Variants in HMGCLL1 observed in about 807,000 individuals in gnomAD.
The protein encoded by HMGCLL1 is 3-hydroxymethyl-3-methylglutaryl-CoA lyase, cytoplasmic.
In HMGCLL1, 36 loss-of-function variants were observed where a neutral mutation model predicts 39.1. The ratio of observed to expected loss-of-function variants is 0.92; its 90% CI spans 0.71 to 1.22. The LOEUF is 1.22. Among genes scored for constraint, HMGCLL1 ranks in the 50% most tolerant of loss-of-function variants. The probability of loss-of-function intolerance (pLI) is 0.00; values close to 1 mark genes in which losing one functional copy is unlikely to be tolerated. For synonymous variants in HMGCLL1, 149 were observed against 144.0 expected, an observed-to-expected ratio of 1.03 and a Z score of -0.25; for missense variants, 451 against 416.5, an observed-to-expected ratio of 1.08 and a Z score of -0.72.
chr6:55,468,508 G>A (rs1418097369), intron 7 of HMGCLL1, among the ~76,000 whole-genome samples: 1 of 151,966 alleles, frequency 6.6e-6, no homozygotes, highest in Admixed American at 6.6e-5. Context: ...TAGAATGATG[G>A]AGTGACTGTT....
At chr6:55,508,681 A>G (rs960665144) in intron 5 of HMGCLL1, among the ~76,000 whole-genome samples, 11 of 151,786 alleles carry the variant, frequency 7.2e-5, no homozygotes, top group African/African-American at 9.7e-5. Context: ...CTTGTTTCAC[A>G]TTGACATATA....
chr6:55,439,535 C>T lies in HMGCLL1; in HGVS notation c.820G>A (p.Ala274Thr), dbSNP rs758293303. ...GGGCAGCCACCTAATCCGGATACTG[C>T]GGAGTCCACCACATTAATTCCCATC... ...LQMGINVVDS[A>T]VSGLGGCPYA... The change falls in exon 8 of 9, where the codon GCA becomes ACA. Residue 274 changes from alanine to threonine, a missense_variant. By Grantham distance (58) the Ala-to-Thr change is moderately conservative (BLOSUM62 0). Coordinates refer to ENST00000274901, the MANE Select transcript of HMGCLL1 (RefSeq NM_001042406.2). The T allele has an allele frequency of 6.8e-6, 11 of 1,612,636 alleles. No homozygotes were observed. The highest frequency in any genetic ancestry group is 2.2e-5 in the East Asian group (1 of 44,862).
intron 1 of HMGCLL1, among the ~76,000 whole-genome samples, chr6:55,549,421 G>A (rs1770193068): frequency 7.2e-6 from 1 of 137,942 alleles, no homozygotes; most frequent in Non-Finnish European, 1.6e-5. Context: ...TGTGTATTTG[G>A]TAAAGCTTAA....
At chr6:55,606,120 A>G in the HMGCLL1 span, among the ~76,000 whole-genome samples, 1 of 152,108 alleles carries the variant, frequency 6.6e-6, no homozygotes, top group Non-Finnish European at 1.5e-5. Flanking sequence ...TTGTTCTGTA[A>G]ATCCTCTACT....
intron 1 of HMGCLL1, among the ~76,000 whole-genome samples, chr6:55,556,631 T>C (rs1436524442): frequency 2.6e-5 from 4 of 152,102 alleles, no homozygotes; most frequent in African/African-American, 9.7e-5. Flanking sequence ...GATGATATGA[T>C]CTGAGGTACA....
intron 3 of HMGCLL1, among the ~76,000 whole-genome samples, chr6:55,527,760 C>A (rs939617670): frequency 6.6e-6 from 1 of 151,936 alleles, no homozygotes; most frequent in African/African-American, 2.4e-5. Flanking sequence ...AAAAGTTTCA[C>A]TGATAAAAAC....
At chr6:55,631,350 G>A in the HMGCLL1 span, among the ~76,000 whole-genome samples, 1 of 151,912 alleles carries the variant, frequency 6.6e-6, no homozygotes, top group African/African-American at 2.4e-5. Context: ...TGAAGGGTGG[G>A]TGGTAGGCAA....
At chr6:55,613,989 CTAA>C in the HMGCLL1 span, among the ~76,000 whole-genome samples, 1 of 151,944 alleles carries the variant, frequency 6.6e-6, no homozygotes, top group Non-Finnish European at 1.5e-5. Flanking sequence ...ATGAATAAAA[CTAA>C]TATTATATTC....
At chr6:55,547,989 G>C (rs1199598053) in intron 1 of HMGCLL1, among the ~76,000 whole-genome samples, 1 of 152,010 alleles carries the variant, frequency 6.6e-6, no homozygotes, top group Non-Finnish European at 1.5e-5. Context: ...AAAGCTGATA[G>C]TGAAACTGTT....
At chr6:55,451,998 G>T (rs9475296) in intron 7 of HMGCLL1, among the ~76,000 whole-genome samples, 2,196 of 152,156 alleles carry the variant, frequency 0.014, 47 homozygotes, top group African/African-American at 0.048. Context: ...AACATAATAA[G>T]TTATTATTCA....
chr6:55,637,668 C>A, the HMGCLL1 span, among the ~76,000 whole-genome samples: 3 of 151,428 alleles, frequency 2.0e-5, no homozygotes, highest in African/African-American at 7.3e-5. Context: ...TCAGCATGAA[C>A]ATCAAAATTA....
intron 3 of HMGCLL1, among the ~76,000 whole-genome samples, chr6:55,523,632 C>T (rs750460218): frequency 1.5e-4 from 23 of 151,900 alleles, no homozygotes; most frequent in Non-Finnish European, 2.6e-4. Context: ...TTCTCATACA[C>T]TGAAAATATA....
chr6:55,665,542 G>T, the HMGCLL1 span, among the ~76,000 whole-genome samples: 1 of 151,618 alleles, frequency 6.6e-6, no homozygotes, highest in Non-Finnish European at 1.5e-5. Flanking sequence ...CCCTCTCTTG[G>T]TTGTTTCACT....
chr6:55,438,799 G>A (rs1026877195), intron 8 of HMGCLL1, among the ~76,000 whole-genome samples: 2 of 151,964 alleles, frequency 1.3e-5, no homozygotes, highest in Admixed American at 1.3e-4. Context: ...AATCATCTGT[G>A]ATTTTTATTT....
chr6:55,522,066 AT>A (rs1008422077), intron 3 of HMGCLL1, among the ~76,000 whole-genome samples: 3 of 152,018 alleles, frequency 2.0e-5, no homozygotes, highest in Non-Finnish European at 2.9e-5. Flanking sequence ...CAGCCACAAC[AT>A]TCCCCTAAGC....
chr6:55,437,810 C>T (rs1309651984), intron 8 of HMGCLL1, among the ~76,000 whole-genome samples: 3 of 151,788 alleles, frequency 2.0e-5, no homozygotes, highest in African/African-American at 7.3e-5. Flanking sequence ...GGATGAACAC[C>T]CAGGAAAGAG....
chr6:55,437,418 G>C lies in HMGCLL1; in HGVS notation c.922-1655C>G, dbSNP rs1581778576. On this transcript the variant is annotated intron_variant, in intron 8 of 8. Coordinates refer to ENST00000274901, the MANE Select transcript of HMGCLL1 (RefSeq NM_001042406.2). ...GATATGAGGCCATCAACCCACTGAG[G>C]AAAAAAAAATGCAGAAAGGAATGTG... 4.0e-5 allele frequency among the ~76,000 whole-genome samples: 6 copies of C among 150,034 alleles called. 1 individual carries two copies. The Admixed American group carries it at 4.0e-4, about 10-fold the overall frequency.
At chr6:55,582,560 C>T (rs1291152976), upstream of HMGCLL1, among the ~76,000 whole-genome samples, 3 of 152,078 alleles carry the variant, frequency 2.0e-5, no homozygotes, top group Non-Finnish European at 4.4e-5. Context: ...TCAACTCCTA[C>T]CCATTTTCTA....
chr6:55,541,388 C>G (rs1769424226), intron 3 of HMGCLL1, among the ~76,000 whole-genome samples: 1 of 152,100 alleles, frequency 6.6e-6, no homozygotes, highest in Non-Finnish European at 1.5e-5. Context: ...TCATTTGCCT[C>G]TAACAGACAA....
Sources: gnomAD v4.1 joint callset for allele counts (sites outside exome capture counted in the v4.1 genomes callset) on GRCh38, gnomAD v4.1.1 for gene constraint, MANE v1.5 for transcripts, NCBI Gene and HGNC (gene_info 2026-07-23, HGNC 2026-07-21) for gene names.